CCSER1: variants seen among roughly 807,000 people sequenced by gnomAD.
CCSER1 encodes the protein serine-rich coiled-coil domain-containing protein 1.
In CCSER1, 41 loss-of-function variants were observed where a neutral mutation model predicts 82.0. The observed-to-expected ratio is 0.50, with a 90% CI of 0.39 to 0.65. The LOEUF (loss-of-function observed/expected upper bound fraction) is 0.65. Ranked by LOEUF, CCSER1 falls within the 30% of genes least tolerant of loss-of-function variation. CCSER1 has a pLI of 0.00. For missense variants in CCSER1, 1,119 were observed against 1,064.2 expected (o/e 1.05, Z -0.72); for synonymous variants, 414 against 383.9 (o/e 1.08, Z -0.92).
chr4:90,644,926 A>G (rs1157762696), intron 6 of CCSER1, among the ~76,000 whole-genome samples: 1 of 151,708 alleles, frequency 6.6e-6, no homozygotes, highest in Non-Finnish European at 1.5e-5. Flanking sequence ...CACCGAGAGT[A>G]CAAAAATTAG....
chr4:91,190,154 A>G (rs1734881887), intron 10 of CCSER1, among the ~76,000 whole-genome samples: 1 of 152,214 alleles, frequency 6.6e-6, no homozygotes, highest in Admixed American at 6.5e-5. Context: ...CATGTAGAAC[A>G]TGTTTCCCTC....
intron 9 of CCSER1, among the ~76,000 whole-genome samples, chr4:91,077,354 C>T (rs1025969454): frequency 6.6e-6 from 1 of 152,086 alleles, no homozygotes; most frequent in African/African-American, 2.4e-5. Context: ...TAAATCAATG[C>T]ACCTAAATGT....
At chr4:90,269,172 T>G (rs1679521471) in intron 1 of CCSER1, among the ~76,000 whole-genome samples, 1 of 152,098 alleles carries the variant, frequency 6.6e-6, no homozygotes, top group Non-Finnish European at 1.5e-5. Flanking sequence ...AATCTGTATT[T>G]AGATTGAATA....
chr4:91,262,494 T>C (rs1741267996), intron 10 of CCSER1, among the ~76,000 whole-genome samples: 1 of 152,040 alleles, frequency 6.6e-6, no homozygotes, highest in Non-Finnish European at 1.5e-5. Flanking sequence ...TCATAGATAC[T>C]CAATGAATAT....
intron 5 of CCSER1, among the ~76,000 whole-genome samples, chr4:90,586,291 T>C (rs1486985914): frequency 6.6e-6 from 1 of 152,146 alleles, no homozygotes; most frequent in African/African-American, 2.4e-5. Context: ...GTGGAAAAAT[T>C]GTCTTCACAA....
intron 10 of CCSER1, among the ~76,000 whole-genome samples, chr4:91,193,103 T>C (rs1735137481): frequency 6.6e-6 from 1 of 152,178 alleles, no homozygotes; most frequent in South Asian, 2.1e-4. Flanking sequence ...TTTTCAACCC[T>C]ACTGCATTTT....
chr4:90,324,077 C>G (rs146616021), intron 3 of CCSER1, among the ~76,000 whole-genome samples: 1 of 152,138 alleles, frequency 6.6e-6, no homozygotes, highest in Non-Finnish European at 1.5e-5. Context: ...CATGGTTGGA[C>G]ATTTGGGTTG....
chr4:90,691,601 G>A (rs867474925), intron 6 of CCSER1, among the ~76,000 whole-genome samples: 1 of 127,690 alleles, frequency 7.8e-6, no homozygotes, highest in Non-Finnish European at 1.8e-5. Flanking sequence ...TATCACATGT[G>A]TATATATCAC....
At chr4:90,937,193 T>C (rs1731045679) in intron 9 of CCSER1, among the ~76,000 whole-genome samples, 1 of 152,072 alleles carries the variant, frequency 6.6e-6, no homozygotes, top group African/African-American at 2.4e-5. Context: ...GGAGCTACTG[T>C]GTAGAAAAGA....
At chr4:91,297,356 AATGGATGCT>A (rs990644470) in intron 10 of CCSER1, among the ~76,000 whole-genome samples, 4 of 146,524 alleles carry the variant, frequency 2.7e-5, no homozygotes, top group African/African-American at 1.0e-4. Flanking sequence ...ACCTGAGGAG[AATGGATGCT>A]TGTGTGTGTG....
intron 1 of CCSER1, among the ~76,000 whole-genome samples, chr4:90,198,017 G>T (rs910550775): frequency 6.6e-6 from 1 of 152,042 alleles, no homozygotes; most frequent in African/African-American, 2.4e-5. Context: ...TTGCATACCT[G>T]TATCAAAACA....
At chr4:90,814,188 A>G (rs1758709073) in intron 7 of CCSER1, among the ~76,000 whole-genome samples, 1 of 152,216 alleles carries the variant, frequency 6.6e-6, no homozygotes, top group South Asian at 2.1e-4. Context: ...GACTGGAGCT[A>G]GAGCAGCTGG....
At chr4:90,242,379 A>G (rs756734539) in intron 1 of CCSER1, among the ~76,000 whole-genome samples, 1 of 152,206 alleles carries the variant, frequency 6.6e-6, no homozygotes, top group Non-Finnish European at 1.5e-5. Flanking sequence ...ACTATTCCCA[A>G]TGTTAAGGAA....
intron 10 of CCSER1, among the ~76,000 whole-genome samples, chr4:91,449,381 T>C (rs1755750426): frequency 6.6e-6 from 1 of 152,104 alleles, no homozygotes; most frequent in African/African-American, 2.4e-5. Context: ...AAAAATTTGA[T>C]ATATGAAATC....
chr4:90,269,836 G>C (rs1014064209), intron 1 of CCSER1, among the ~76,000 whole-genome samples: 2 of 151,796 alleles, frequency 1.3e-5, no homozygotes, highest in African/African-American at 4.8e-5. Flanking sequence ...GATGAAAAAG[G>C]GGACATTACA....
chr4:91,397,282 G>A (rs1300163783), intron 10 of CCSER1, among the ~76,000 whole-genome samples: 1 of 151,990 alleles, frequency 6.6e-6, no homozygotes, highest in Non-Finnish European at 1.5e-5. Flanking sequence ...TAGCTTCAGT[G>A]GTGTGGGTAA....
At chr4:90,904,344 T>G (rs569943091) in intron 8 of CCSER1, among the ~76,000 whole-genome samples, 1 of 152,306 alleles carries the variant, frequency 6.6e-6, no homozygotes, top group South Asian at 2.1e-4. Flanking sequence ...CTGTTTTCTT[T>G]CTTTTTCTTT....
intron 7 of CCSER1, among the ~76,000 whole-genome samples, chr4:90,767,510 G>A (rs1343071059): frequency 1.3e-5 from 2 of 152,148 alleles, no homozygotes; most frequent in South Asian, 2.1e-4. Context: ...CTGGCCTTGT[G>A]AACTTAAAAG....
intron 4 of CCSER1, among the ~76,000 whole-genome samples, chr4:90,403,733 T>A (rs1162987436): frequency 6.6e-6 from 1 of 152,122 alleles, no homozygotes; most frequent in South Asian, 2.1e-4. Context: ...ACAATGCATA[T>A]GAATTTTTGG....
Sources: allele counts gnomAD v4.1 joint callset (sites outside exome capture counted in the v4.1 genomes callset), GRCh38; gene constraint gnomAD v4.1.1; transcripts MANE v1.5; gene names NCBI Gene and HGNC (gene_info 2026-07-23, HGNC 2026-07-21).